ATP10A: variants seen among roughly 807,000 people sequenced by gnomAD.
The protein encoded by ATP10A is phospholipid-transporting ATPase VA.
In ATP10A, 111 loss-of-function variants were observed where a neutral mutation model predicts 147.8. That is an observed-to-expected ratio of 0.75 (90% CI 0.64 to 0.88). The LOEUF (loss-of-function observed/expected upper bound fraction) is 0.88, where lower values mean the gene tolerates loss of function less well. Ranked by LOEUF, ATP10A falls within the 40% of genes least tolerant of loss-of-function variation. ATP10A has a pLI of 0.00. For missense variants in ATP10A, 1,927 were observed against 1,959.0 expected (o/e 0.98, Z 0.31); for synonymous variants, 875 against 841.6 (o/e 1.04, Z -0.69).
Position 25,863,105 on chromosome 15 carries a change from G to A in ATP10A, c.-9C>T. The A allele has an allele frequency of 8.5e-7, 1 of 1,174,560 alleles. No individual in the cohort carries two copies. Among genetic ancestry groups the A allele is most frequent in the Non-Finnish European group, 1.0e-6 (1 of 952,668 alleles). The allele number at this position is 1,174,560 out of a possible 1,614,324, so 72.8% of individuals were successfully genotyped here. ...GCCGGCTCCCGCTCCATGGCCGCGTGTCGCCGCGCCCGGCTCCTCCGCCGC... is the reference window on the plus strand; with the variant it reads ...GCCGGCTCCCGCTCCATGGCCGCGTATCGCCGCGCCCGGCTCCTCCGCCGC... On this transcript the variant is annotated 5_prime_UTR_variant, in exon 1 of 21. Transcript: ENST00000555815.
At chr15:25,809,056 G>C (rs1226377365) in intron 1 of ATP10A, among the ~76,000 whole-genome samples, 16 of 152,170 alleles carry the variant, frequency 1.1e-4, no homozygotes, top group Non-Finnish European at 2.4e-4. Context: ...CCACAGGGTT[G>C]GGAGAGGGGA....
intron 3 of ATP10A, among the ~76,000 whole-genome samples, chr15:25,733,928 C>T (rs905612748): frequency 1.3e-5 from 2 of 152,222 alleles, no homozygotes; most frequent in East Asian, 1.9e-4. Flanking sequence ...GGAGAAGCCC[C>T]GGTGGGCCTG....
At chr15:25,750,116 A>C (rs1888067295) in intron 2 of ATP10A, among the ~76,000 whole-genome samples, 2 of 152,064 alleles carry the variant, frequency 1.3e-5, no homozygotes, top group Admixed American at 6.5e-5. Context: ...AAGAATCTCA[A>C]ACCCCCAAAT....
At chr15:25,724,989 G>C (rs1039440573) in intron 5 of ATP10A, among the ~76,000 whole-genome samples, 3 of 152,216 alleles carry the variant, frequency 2.0e-5, no homozygotes, top group Non-Finnish European at 2.9e-5. Flanking sequence ...ATTTAAAGCA[G>C]GGGTCCCTAA....
chr15:25,753,666 C>T (rs1485276096), intron 2 of ATP10A, among the ~76,000 whole-genome samples: 11 of 151,564 alleles, frequency 7.3e-5, no homozygotes, highest in South Asian at 2.1e-4. Context: ...TATGGCTGGA[C>T]AGAAGTGTAC....
intron 2 of ATP10A, among the ~76,000 whole-genome samples, chr15:25,766,983 A>C (rs1000664934): frequency 4.0e-5 from 6 of 151,580 alleles, no homozygotes; most frequent in African/African-American, 1.5e-4. Flanking sequence ...ATACACATAC[A>C]CACACTTTGC....
Position 25,680,106 on chromosome 15 carries a change from C to T in ATP10A, c.3866+15G>A, listed in dbSNP as rs111231177. ...CACTCGGGGCTCAGAGGCACTATCC[C>T]GCTCCGACACCCACCTGGGCAGCAG... On this transcript the variant is annotated intron_variant, in intron 20 of 20. Transcript: ENST00000555815. The T allele has an allele frequency of 3.0e-5, 49 of 1,611,846 alleles. No homozygotes were observed. The African/African-American group carries it at 3.1e-4, about 10-fold the overall frequency.
chr15:25,793,859 CAA>C (rs946795734), intron 1 of ATP10A, among the ~76,000 whole-genome samples: 1 of 152,198 alleles, frequency 6.6e-6, no homozygotes, highest in African/African-American at 2.4e-5. Context: ...TCTGCAAGCC[CAA>C]GTTTCCTCCA....
intron 1 of ATP10A, among the ~76,000 whole-genome samples, chr15:25,837,947 G>A (rs1439146461): frequency 1.3e-5 from 2 of 152,236 alleles, no homozygotes; most frequent in African/African-American, 4.8e-5. Context: ...CCTTGGCAGT[G>A]TGGAGGATGG....
At chr15:25,771,388 A>G (rs1372217461) in intron 2 of ATP10A, among the ~76,000 whole-genome samples, 1 of 152,156 alleles carries the variant, frequency 6.6e-6, no homozygotes, top group Non-Finnish European at 1.5e-5. Flanking sequence ...TGAGCAACAT[A>G]GTGAGACCTT....
At chr15:25,832,155 C>T (rs1029712036) in intron 1 of ATP10A, among the ~76,000 whole-genome samples, 2 of 152,102 alleles carry the variant, frequency 1.3e-5, no homozygotes, top group Non-Finnish European at 2.9e-5. Flanking sequence ...TAAGGACTGG[C>T]GGCCACCACA....
intron 1 of ATP10A, among the ~76,000 whole-genome samples, chr15:25,786,567 C>G (rs150316274): frequency 2.3e-3 from 339 of 150,354 alleles, no homozygotes; most frequent in African/African-American, 8.0e-3. Context: ...GCCACACCAG[C>G]AGGAGCTCTA....
intron 2 of ATP10A, among the ~76,000 whole-genome samples, chr15:25,765,705 C>T (rs1025185226): frequency 3.3e-5 from 5 of 152,236 alleles, no homozygotes; most frequent in Non-Finnish European, 1.5e-5. Flanking sequence ...CTTAATTCTT[C>T]CAGCTCTGTG....
chr15:25,729,719 A>G (rs1170375782), intron 3 of ATP10A, among the ~76,000 whole-genome samples: 1 of 152,184 alleles, frequency 6.6e-6, no homozygotes, highest in Non-Finnish European at 1.5e-5. Flanking sequence ...TGCCTGAGGT[A>G]GCCCGGCCTT....
At chr15:25,751,635 A>G (rs1290755403) in intron 2 of ATP10A, among the ~76,000 whole-genome samples, 1 of 152,160 alleles carries the variant, frequency 6.6e-6, no homozygotes, top group East Asian at 1.9e-4. Flanking sequence ...ACAAAAATAC[A>G]CAAGTTTGGT....
At chr15:25,819,577 T>C (rs1457648632) in intron 1 of ATP10A, among the ~76,000 whole-genome samples, 1 of 131,122 alleles carries the variant, frequency 7.6e-6, no homozygotes, top group Non-Finnish European at 1.6e-5. Flanking sequence ...ATAGGGTATG[T>C]ACCCAAATGA....
chr15:25,736,044 C>G lies in ATP10A; in HGVS notation c.740+12G>C. On this transcript the variant is annotated intron_variant, in intron 3 of 20. Coordinates refer to ENST00000555815, the MANE Select transcript of ATP10A (RefSeq NM_024490.4). ...ACAGAAGGATGCGCGCAGGCAGACA[C>G]ACGATACTCACATGCAGCCGCGAAA... The G allele has an allele frequency of 6.2e-7, 1 of 1,608,558 alleles. No homozygotes were observed. The highest frequency in any genetic ancestry group is 8.5e-7 in the Non-Finnish European group (1 of 1,174,958).
Position 25,708,186 on chromosome 15 carries a change from C to A in ATP10A, c.2448+11G>T, listed in dbSNP as rs1199038790. 6.2e-7 allele frequency: 1 copy of A among 1,614,050 alleles called. No individual in the cohort carries two copies. The highest frequency in any genetic ancestry group is 1.3e-5 in the African/African-American group (1 of 74,944). On this transcript the variant is annotated intron_variant, in intron 11 of 20. Transcript: ENST00000555815. Reference sequence around the variant, plus strand: ...CTGCACGTGCACCCTCGCGGAGACACCCCCACTCACTCTCTTGGCGATGCA... The same window carrying A: ...CTGCACGTGCACCCTCGCGGAGACAACCCCACTCACTCTCTTGGCGATGCA...
chr15:25,749,183 TTAC>T (rs1888018717), intron 2 of ATP10A, among the ~76,000 whole-genome samples: 2 of 152,154 alleles, frequency 1.3e-5, no homozygotes. Flanking sequence ...TATACTATAT[TTAC>T]TACATGTAAA....
Sources: allele counts gnomAD v4.1 joint callset (sites outside exome capture counted in the v4.1 genomes callset), GRCh38; gene constraint gnomAD v4.1.1; transcripts MANE v1.5; gene names NCBI Gene and HGNC (gene_info 2026-07-23, HGNC 2026-07-21).